TMEM117: variants seen among roughly 807,000 people sequenced by gnomAD.
TMEM117 encodes the protein transmembrane protein 117.
A neutral mutation model predicts 52.4 loss-of-function variants in TMEM117; 27 were observed. That is an observed-to-expected ratio of 0.51 (90% CI 0.38 to 0.71). TMEM117 has a LOEUF of 0.71. Among genes scored for constraint, TMEM117 ranks in the 30% least tolerant of loss-of-function variants. TMEM117 has a pLI of 0.00. For synonymous variants in TMEM117, 215 were observed against 206.3 expected, an observed-to-expected ratio of 1.04 and a Z score of -0.36; for missense variants, 556 against 630.5, an observed-to-expected ratio of 0.88 and a Z score of 1.26.
At chr12:44,213,085 A>G (rs960476378) in intron 5 of TMEM117, among the ~76,000 whole-genome samples, 63 of 152,258 alleles carry the variant, frequency 4.1e-4, no homozygotes, top group African/African-American at 1.4e-3. Flanking sequence ...AACTTCCCAT[A>G]TAGCTTTTCT....
chr12:44,257,952 T>C (rs1308466877), intron 5 of TMEM117, among the ~76,000 whole-genome samples: 1 of 152,142 alleles, frequency 6.6e-6, no homozygotes, highest in Non-Finnish European at 1.5e-5. Flanking sequence ...TAGTATTCTT[T>C]AGAATAATGT....
intron 3 of TMEM117, among the ~76,000 whole-genome samples, chr12:44,032,727 G>A (rs1239300425): frequency 6.6e-6 from 1 of 152,134 alleles, no homozygotes; most frequent in Non-Finnish European, 1.5e-5. Flanking sequence ...TCAGAGTTAT[G>A]AATGACCCTC....
chr12:43,898,627 A>T (rs1347390013), intron 2 of TMEM117, among the ~76,000 whole-genome samples: 1 of 152,068 alleles, frequency 6.6e-6, no homozygotes, highest in African/African-American at 2.4e-5. Flanking sequence ...AATCTCATTG[A>T]CCTATTATAG....
intron 3 of TMEM117, among the ~76,000 whole-genome samples, chr12:43,960,341 G>A (rs1481107586): frequency 6.6e-6 from 1 of 151,942 alleles, no homozygotes; most frequent in Admixed American, 6.6e-5. Context: ...GGGGGTAAGA[G>A]GGAGGAAGAA....
chr12:44,220,469 A>G (rs1308044579), intron 5 of TMEM117, among the ~76,000 whole-genome samples: 1 of 152,186 alleles, frequency 6.6e-6, no homozygotes, highest in Non-Finnish European at 1.5e-5. Flanking sequence ...ATGTTTGTAT[A>G]TAGCTCATTC....
intron 4 of TMEM117, among the ~76,000 whole-genome samples, chr12:44,183,805 G>A (rs537723481): frequency 6.6e-6 from 1 of 152,186 alleles, no homozygotes; most frequent in East Asian, 1.9e-4. Context: ...GGAGTTGATA[G>A]CTAATAGCCC....
rs531083197 is a variant in TMEM117, at chr12:43,861,174, C to T, written c.277+16246C>T. 3.9e-5 allele frequency among the ~76,000 whole-genome samples: 6 copies of T among 152,280 alleles called. 1 individual carries two copies. The highest frequency in any genetic ancestry group is 1.9e-4 in the East Asian group (1 of 5,188). On this transcript the variant is annotated intron_variant, in intron 2 of 7. Coordinates refer to ENST00000266534, the MANE Select transcript of TMEM117 (RefSeq NM_032256.3). Reference sequence around the variant, plus strand: ...TATTTTCAGCAGTGGAGGTGGGGAGCGTGGTCCTGGAGGCAGCCATGTGGG... The same window carrying T: ...TATTTTCAGCAGTGGAGGTGGGGAGTGTGGTCCTGGAGGCAGCCATGTGGG...
the TMEM117 span, among the ~76,000 whole-genome samples, chr12:43,803,363 T>C: frequency 6.6e-6 from 1 of 152,068 alleles, no homozygotes; most frequent in African/African-American, 2.4e-5. Flanking sequence ...GAAGCAAAAT[T>C]GTTTAAAGGG....
At chr12:43,850,698 A>G (rs1453351983) in intron 2 of TMEM117, among the ~76,000 whole-genome samples, 3 of 152,212 alleles carry the variant, frequency 2.0e-5, no homozygotes, top group African/African-American at 7.2e-5. Flanking sequence ...CAGCCATGCA[A>G]TGATAGGGAA....
At chr12:44,213,286 T>A (rs1374041009) in intron 5 of TMEM117, among the ~76,000 whole-genome samples, 3 of 152,164 alleles carry the variant, frequency 2.0e-5, no homozygotes. Flanking sequence ...ACACTAGGAC[T>A]GCCTCTAGGA....
chr12:44,311,879 A>T (rs959317133), intron 6 of TMEM117, among the ~76,000 whole-genome samples: 1 of 123,734 alleles, frequency 8.1e-6, no homozygotes, highest in African/African-American at 4.0e-5. Context: ...ATATATATGT[A>T]TATATGTATA....
At chr12:44,000,180 C>T (rs12821900) in intron 3 of TMEM117, among the ~76,000 whole-genome samples, 570 of 152,090 alleles carry the variant, frequency 3.7e-3, no homozygotes, top group Non-Finnish European at 6.0e-3. Flanking sequence ...AACTCTGGGG[C>T]AATGTACCCG....
intron 6 of TMEM117, among the ~76,000 whole-genome samples, chr12:44,350,137 G>T (rs1592710511): frequency 6.6e-6 from 1 of 151,868 alleles, no homozygotes; most frequent in East Asian, 1.9e-4. Flanking sequence ...ATTAATTTCT[G>T]GGAACAGCCT....
chr12:44,213,244 C>A (rs1036202534), intron 5 of TMEM117, among the ~76,000 whole-genome samples: 1 of 152,142 alleles, frequency 6.6e-6, no homozygotes, highest in Non-Finnish European at 1.5e-5. Context: ...AGGCATAGTT[C>A]TCTGACTCCA....
intron 4 of TMEM117, among the ~76,000 whole-genome samples, chr12:44,163,134 G>A (rs1349730451): frequency 6.6e-6 from 1 of 152,186 alleles, no homozygotes; most frequent in Admixed American, 6.5e-5. Context: ...TTCTTTGGTG[G>A]AAGAAAGAAT....
chr12:44,127,007 C>T (rs548685579), intron 3 of TMEM117, among the ~76,000 whole-genome samples: 42 of 152,226 alleles, frequency 2.8e-4, no homozygotes, highest in South Asian at 6.2e-4. Flanking sequence ...AGAAATATTG[C>T]GAAATCCCAC....
At chr12:44,006,581 C>T (rs1400135106) in intron 3 of TMEM117, among the ~76,000 whole-genome samples, 3 of 152,100 alleles carry the variant, frequency 2.0e-5, no homozygotes, top group Non-Finnish European at 4.4e-5. Flanking sequence ...CTCTTATTTT[C>T]CATCTCTCAC....
Position 44,299,588 on chromosome 12 carries a change from T to A in TMEM117, c.617T>A (p.Leu206His). 1 of 1,614,186 alleles carries A rather than the reference T, an allele frequency of 6.2e-7. No homozygotes were observed. Among genetic ancestry groups the A allele is most frequent in the Non-Finnish European group, 8.5e-7 (1 of 1,180,000 alleles). Residue 206 changes from leucine to histidine, a missense_variant, in exon 6 of 8, where the codon CTT becomes CAT. This residue lies in a region of TMEM117 where 328 missense variants were observed against 371.4 expected (regional missense o/e 0.88). Coordinates refer to ENST00000266534, the MANE Select transcript of TMEM117 (RefSeq NM_032256.3). ...TGTCTTGTTCCTTACAGGACAGTTC[T>A]TTTTACTCTGACGTCTGTGGTTGTA... ...NVRITLFWTV[L>H]FTLTSVVVLV...
intron 3 of TMEM117, among the ~76,000 whole-genome samples, chr12:44,095,354 A>G (rs1012176197): frequency 2.0e-5 from 3 of 152,154 alleles, no homozygotes; most frequent in Non-Finnish European, 2.9e-5. Flanking sequence ...GAGAAAAATA[A>G]GTAAATTCAT....
Sources: allele counts gnomAD v4.1 joint callset (sites outside exome capture counted in the v4.1 genomes callset), GRCh38; gene constraint gnomAD v4.1.1; regional missense constraint gnomAD v4.1.1; transcripts MANE v1.5; gene names NCBI Gene and HGNC (gene_info 2026-07-23, HGNC 2026-07-21).